Variants in HNF4G observed in about 807,000 individuals in gnomAD.
HNF4G encodes the protein hepatocyte nuclear factor 4 gamma.
In HNF4G, 21 loss-of-function variants were observed where a neutral mutation model predicts 50.9. The observed-to-expected ratio is 0.41, with a 90% CI of 0.29 to 0.59. The LOEUF (loss-of-function observed/expected upper bound fraction) is 0.59. Ranked by LOEUF, HNF4G falls within the 20% of genes least tolerant of loss-of-function variation. HNF4G has a pLI of 0.26. For missense variants in HNF4G, 527 were observed against 559.4 expected (o/e 0.94, Z 0.58); for synonymous variants, 198 against 185.6 (o/e 1.07, Z -0.54).
intron 2 of HNF4G, among the ~76,000 whole-genome samples, chr8:75,509,986 G>A (rs528818017): frequency 6.6e-6 from 1 of 152,206 alleles, no homozygotes; most frequent in South Asian, 2.1e-4. Context: ...CCTCAGGCAG[G>A]TCCTTCAGGA....
intron 3 of HNF4G, among the ~76,000 whole-genome samples, chr8:75,549,690 T>A (rs2130798549): frequency 6.6e-6 from 1 of 151,966 alleles, no homozygotes; most frequent in Admixed American, 6.6e-5. Context: ...ACATGTGCCA[T>A]GCTGGTGTGC....
rs192045075 is a variant in HNF4G at position 75,502,131 on chromosome 8, G to A, written c.-24+11923G>A. 2.2e-4 allele frequency among the ~76,000 whole-genome samples: 33 copies of A among 152,224 alleles called. No individual in the cohort carries two copies. In the East Asian group the frequency reaches 2.9e-3, roughly 13 times the overall value. On this transcript the variant is annotated intron_variant, in intron 2 of 10. Coordinates refer to the HNF4G transcript ENST00000354370. ...CTCCCAAAGTGTTGGGATTACAGGC[G>A]TGAGCCACCGCGCCTGGCCCTGAAG...
At chr8:75,495,440 T>A (rs1478878016) in intron 2 of HNF4G, 2 of 152,140 alleles carry the variant, frequency 1.3e-5, no homozygotes, top group Non-Finnish European at 2.9e-5. Flanking sequence ...GCTAACAGGA[T>A]CCTGACATTT....
At chr8:75,523,404 G>C (rs894411478) in intron 2 of HNF4G, among the ~76,000 whole-genome samples, 1 of 151,882 alleles carries the variant, frequency 6.6e-6, no homozygotes, top group African/African-American at 2.4e-5. Flanking sequence ...TGGCATCTAG[G>C]TCTCATGACT....
chr8:75,489,367 ATGT>A, intron 1 of HNF4G, among the ~76,000 whole-genome samples: 1 of 152,330 alleles, frequency 6.6e-6, no homozygotes, highest in East Asian at 1.9e-4. Flanking sequence ...ACAGTAATTG[ATGT>A]TTATAATAAT....
intron 1 of HNF4G, among the ~76,000 whole-genome samples, chr8:75,440,993 T>G (rs1811267004): frequency 6.6e-6 from 1 of 152,168 alleles, no homozygotes. Flanking sequence ...TAGCTGGGAT[T>G]ACAGGCAGGC....
intron 1 of HNF4G, among the ~76,000 whole-genome samples, chr8:75,409,357 T>C (rs897860065): frequency 5.3e-5 from 8 of 151,916 alleles, no homozygotes; most frequent in African/African-American, 1.7e-4. Flanking sequence ...ATCTCACAAA[T>C]ATTGCATTTT....
intron 1 of HNF4G, among the ~76,000 whole-genome samples, chr8:75,444,698 A>G (rs1180664414): frequency 2.7e-5 from 3 of 110,040 alleles, no homozygotes; most frequent in African/African-American, 4.0e-5. Context: ...TTACATAATG[A>G]TAAAGGGATC....
chr8:75,449,868 T>A (rs186265509), intron 1 of HNF4G, among the ~76,000 whole-genome samples: 138 of 140,390 alleles, frequency 9.8e-4, no homozygotes, highest in African/African-American at 2.8e-3. Context: ...GAAGAATAGT[T>A]AAAATCTACT....
chr8:75,520,441 A>T lies in HNF4G; in HGVS notation c.-23-23370A>T, dbSNP rs574387270. On this transcript the variant is annotated intron_variant, in intron 2 of 10. Coordinates refer to the HNF4G transcript ENST00000354370. ...GTTCTTTCTTTTTATGTTTTTTTTT[A>T]AATTTTTGTTCTTTGAGACAGGGTC... 5.0e-3 allele frequency among the ~76,000 whole-genome samples: 755 copies of T among 149,524 alleles called. 4 individuals carry two copies. The highest frequency in any genetic ancestry group is 5.7e-3 in the Non-Finnish European group (386 of 67,282).
At chr8:75,445,697 C>G (rs1811408884) in intron 1 of HNF4G, among the ~76,000 whole-genome samples, 1 of 135,768 alleles carries the variant, frequency 7.4e-6, no homozygotes, top group Non-Finnish European at 1.5e-5. Context: ...GGATACATTC[C>G]TCGACACATA....
At position 75,560,418 on chromosome 8, in the gene HNF4G, A is replaced by G. The variant is rs1408797331; in HGVS notation, c.1198A>G (p.Thr400Ala). ...HLSQDPLTGQ[T>A]ILLGPMSTLV... ...GTCTCAAGACCCATTAACTGGACAAACTATACTTTTAGGTCCCATGTCAAC... is the reference window on the plus strand; with the variant it reads ...GTCTCAAGACCCATTAACTGGACAAGCTATACTTTTAGGTCCCATGTCAAC... Residue 400 changes from threonine to alanine, a missense_variant, in exon 9 of 10, where the codon ACT (threonine) becomes GCT (alanine). Around this residue, in one of 5 missense-constraint regions of HNF4G, gnomAD observed 308 missense variants for 301.5 expected, o/e 1.02. Coordinates refer to ENST00000396423, the MANE Select transcript of HNF4G (RefSeq NM_004133.5). 1.2e-6 allele frequency: 2 copies of G among 1,613,370 alleles called. No individual in the cohort carries two copies. The highest frequency in any genetic ancestry group is 1.7e-5 in the Admixed American group (1 of 59,996).
chr8:75,418,763 T>C (rs952710252), intron 1 of HNF4G, among the ~76,000 whole-genome samples: 1 of 150,020 alleles, frequency 6.7e-6, no homozygotes, highest in African/African-American at 2.5e-5. Flanking sequence ...GTTTCTCTCT[T>C]GTTGCCCAGG....
chr8:75,495,951 A>G (rs1381198335), intron 2 of HNF4G, among the ~76,000 whole-genome samples: 1 of 152,136 alleles, frequency 6.6e-6, no homozygotes, highest in Admixed American at 6.5e-5. Flanking sequence ...TTATTGATCA[A>G]TTATTTATTC....
intron 1 of HNF4G, among the ~76,000 whole-genome samples, chr8:75,416,108 G>T (rs1810628031): frequency 6.6e-6 from 1 of 152,116 alleles, no homozygotes; most frequent in Non-Finnish European, 1.5e-5. Context: ...TAGTTAATTT[G>T]TTAAGACAAA....
intron 1 of HNF4G, among the ~76,000 whole-genome samples, chr8:75,486,471 A>G (rs1054718136): frequency 2.6e-5 from 4 of 152,188 alleles, no homozygotes; most frequent in Admixed American, 6.5e-5. Context: ...CAAAGTAGTA[A>G]GCTAAGCCCT....
At chr8:75,448,503 C>G (rs76143583) in intron 1 of HNF4G, among the ~76,000 whole-genome samples, 2 of 67,318 alleles carry the variant, frequency 3.0e-5, no homozygotes, top group Non-Finnish European at 6.4e-5. Flanking sequence ...AAAAAAAAAA[C>G]AAATACCTTA....
At chr8:75,545,386 G>A (rs978947606) in intron 2 of HNF4G, among the ~76,000 whole-genome samples, 3 of 152,042 alleles carry the variant, frequency 2.0e-5, no homozygotes, top group Admixed American at 2.0e-4. Context: ...GATGCTCTCA[G>A]AGCAGCTTTT....
intron 1 of HNF4G, among the ~76,000 whole-genome samples, chr8:75,439,528 G>T (rs830775): frequency 0.84 from 127,461 of 151,896 alleles, 54,210 homozygotes; most frequent in African/African-American, 0.96. Flanking sequence ...TTTTTGTTTT[G>T]TATCTGGCAT....
Sources: allele counts gnomAD v4.1 joint callset (sites outside exome capture counted in the v4.1 genomes callset), GRCh38; gene constraint gnomAD v4.1.1; regional missense constraint gnomAD v4.1.1; transcripts MANE v1.5; gene names NCBI Gene and HGNC (gene_info 2026-07-23, HGNC 2026-07-21).